Variants in EIF3H observed in about 807,000 individuals in gnomAD.
EIF3H encodes the protein eukaryotic translation initiation factor 3 subunit H, also known as eIF-3-gamma.
A neutral mutation model predicts 44.2 loss-of-function variants in EIF3H; 26 were observed. The observed-to-expected ratio is 0.59, with a 90% confidence interval of 0.43 to 0.82. The LOEUF (loss-of-function observed/expected upper bound fraction) is 0.82, where lower values mean the gene tolerates loss of function less well. Ranked by LOEUF, EIF3H falls within the 40% of genes least tolerant of loss-of-function variation. EIF3H has a pLI of 0.00. For synonymous variants in EIF3H, 166 were observed against 151.9 expected (o/e 1.09, Z -0.68); for missense variants, 359 against 432.8 (o/e 0.83, Z 1.51).
intron 1 of EIF3H, among the ~76,000 whole-genome samples, chr8:116,735,352 G>GT (rs1169392820): frequency 6.6e-6 from 1 of 152,170 alleles, no homozygotes; most frequent in Non-Finnish European, 1.5e-5. Flanking sequence ...GCAGAAAACA[G>GT]TAACTACAGT....
intron 1 of EIF3H, among the ~76,000 whole-genome samples, chr8:116,732,369 T>C (rs1288429583): frequency 6.6e-6 from 1 of 152,124 alleles, no homozygotes; most frequent in Non-Finnish European, 1.5e-5. Context: ...AGTCAATAAA[T>C]CTAAAATTTA....
At chr8:116,690,830 A>G (rs903111207) in intron 2 of EIF3H, among the ~76,000 whole-genome samples, 5 of 152,256 alleles carry the variant, frequency 3.3e-5, no homozygotes, top group African/African-American at 1.2e-4. Context: ...TTTAAATAAA[A>G]AGTAAAAACA....
chr8:116,740,314 G>C (rs1815108673), intron 1 of EIF3H, among the ~76,000 whole-genome samples: 1 of 152,170 alleles, frequency 6.6e-6, no homozygotes, highest in Admixed American at 6.5e-5. Flanking sequence ...AAGCACTTAT[G>C]TAACTGTAAG....
At chr8:116,746,300 C>A (rs888733600) in intron 1 of EIF3H, among the ~76,000 whole-genome samples, 2 of 152,206 alleles carry the variant, frequency 1.3e-5, no homozygotes, top group Non-Finnish European at 2.9e-5. Context: ...TCTGTACACA[C>A]CTTAACTTCT....
At chr8:116,758,132 T>C (rs1402765227), upstream of EIF3H, among the ~76,000 whole-genome samples, 1 of 152,150 alleles carries the variant, frequency 6.6e-6, no homozygotes, top group East Asian at 1.9e-4. Context: ...ACTTCAAACA[T>C]AGTAATATAA....
intron 2 of EIF3H, among the ~76,000 whole-genome samples, chr8:116,708,900 T>A (rs111399158): frequency 6.6e-6 from 1 of 151,984 alleles, no homozygotes; most frequent in South Asian, 2.1e-4. Context: ...AAGCTTTCCA[T>A]TTTTTTATGT....
chr8:116,755,927 C>T (rs1815440513), upstream of EIF3H: 2 of 1,540,392 alleles, frequency 1.3e-6, no homozygotes, highest in Non-Finnish European at 1.7e-6. Context: ...TTGGGCCCCG[C>T]CTCCCTCCTG....
intron 2 of EIF3H, chr8:116,697,234 G>C: frequency 2.2e-6 from 1 of 454,370 alleles, no homozygotes; most frequent in South Asian, 1.6e-5. Flanking sequence ...AGGAAATACT[G>C]GGCCTAGATG....
chr8:116,642,156 A>C lies in EIF3H; in HGVS notation c.*2850T>G, dbSNP rs930665618. On this transcript the variant is annotated 3_prime_UTR_variant, in exon 8 of 8. Coordinates refer to ENST00000521861, the MANE Select transcript of EIF3H (RefSeq NM_003756.3). ...TTGGTTGAGAAGTGTTTATTGTAAA[A>C]ATGGAGTTTATAATGAAAATAAAAA... The C allele has an allele frequency of 6.6e-6, 1 of 152,198 alleles. No individual in the cohort carries two copies. The highest frequency in any genetic ancestry group is 2.4e-5 in the African/African-American group (1 of 41,456). The allele number at this position is 152,198 out of a possible 1,614,324, so 9.4% of individuals were successfully genotyped here. A position where few individuals can be genotyped will look rare whatever the true frequency, so the allele number is the denominator to read the frequency against.
At position 116,657,203 on chromosome 8, in the gene EIF3H, CCAAA is replaced by C; in HGVS notation, c.557+8_557+11del. ...ATACCCAACCCTTTACCAGATGCCC[CCAAA>C]CACTTACGCTTCAGGGGAAAAATCC... On this transcript the variant is annotated splice_region_variant and intron_variant, in intron 4 of 7. Transcript: ENST00000521861. 1 of 1,606,540 alleles carries C rather than the reference CCAAA, an allele frequency of 6.2e-7. No individual in the cohort carries two copies.
intron 2 of EIF3H, among the ~76,000 whole-genome samples, chr8:116,702,354 A>C (rs1814392139): frequency 6.6e-6 from 1 of 152,246 alleles, no homozygotes. Context: ...ATCCAGCCTC[A>C]AATCCCACAT....
chr8:116,668,189 T>C (rs1451116573), intron 2 of EIF3H, among the ~76,000 whole-genome samples: 1 of 152,202 alleles, frequency 6.6e-6, no homozygotes, highest in Non-Finnish European at 1.5e-5. Flanking sequence ...TTTCTAAAAA[T>C]TTTAAATGGC....
chr8:116,709,711 C>A (rs1021498605), intron 2 of EIF3H, among the ~76,000 whole-genome samples: 6 of 152,146 alleles, frequency 3.9e-5, no homozygotes, highest in African/African-American at 1.4e-4. Flanking sequence ...TGCTTTTACA[C>A]ATAATTTGTT....
chr8:116,728,952 T>G (rs997139891), intron 1 of EIF3H, among the ~76,000 whole-genome samples: 1 of 152,224 alleles, frequency 6.6e-6, no homozygotes, highest in Admixed American at 6.5e-5. Flanking sequence ...TTGTTGATAT[T>G]TGTCAATAAC....
intron 2 of EIF3H, among the ~76,000 whole-genome samples, chr8:116,694,226 G>A (rs183243673): frequency 1.3e-3 from 202 of 151,740 alleles, no homozygotes; most frequent in African/African-American, 4.8e-3. Context: ...AGCAGTACAT[G>A]AGTGTGTCTT....
At chr8:116,682,428 CAGGCAATGTTGT>C (rs1366207068) in intron 2 of EIF3H, among the ~76,000 whole-genome samples, 3 of 152,200 alleles carry the variant, frequency 2.0e-5, no homozygotes, top group Admixed American at 6.5e-5. Flanking sequence ...TACTTTTACA[CAGGCAATGTTGT>C]AGACAATGTT....
At chr8:116,678,819 AG>A (rs1201746807) in intron 2 of EIF3H, among the ~76,000 whole-genome samples, 5 of 144,588 alleles carry the variant, frequency 3.5e-5, no homozygotes, top group African/African-American at 1.3e-4. Context: ...CTGGGAAGTG[AG>A]GAGCGTCTCC....
At chr8:116,766,349 C>A, upstream of EIF3H, 1 of 419,386 alleles carries the variant, frequency 2.4e-6, no homozygotes, top group Non-Finnish European at 4.2e-6. Flanking sequence ...GAATCGCGCA[C>A]CCCAGCGGTT....
intron 5 of EIF3H, among the ~76,000 whole-genome samples, chr8:116,655,094 C>T (rs191733190): frequency 6.6e-6 from 1 of 151,992 alleles, no homozygotes; most frequent in Non-Finnish European, 1.5e-5. Flanking sequence ...CCTTCCACCA[C>T]AGACAAAATA....
Sources: gnomAD v4.1 joint callset for allele counts (sites outside exome capture counted in the v4.1 genomes callset) on GRCh38, gnomAD v4.1.1 for gene constraint, MANE v1.5 for transcripts, NCBI Gene and HGNC (gene_info 2026-07-23, HGNC 2026-07-21) for gene names.